Variants in TTBK2 observed in about 807,000 individuals in gnomAD.
TTBK2 encodes the protein tau tubulin kinase 2, also known as tau-tubulin kinase 2.
A neutral mutation model predicts 110.8 loss-of-function variants in TTBK2; 28 were observed. That is an observed-to-expected ratio of 0.25 (90% CI 0.19 to 0.35). The LOEUF (loss-of-function observed/expected upper bound fraction) is 0.35, where lower values mean the gene tolerates loss of function less well. Ranked by LOEUF, TTBK2 falls within the 10% of genes least tolerant of loss-of-function variation. The pLI is 1.00. For missense variants in TTBK2, 1,369 were observed against 1,500.3 expected (o/e 0.91, Z 1.45); for synonymous variants, 532 against 527.3 (o/e 1.01, Z -0.12).
chr15:42,899,261 G>A (rs1895787538), intron 1 of TTBK2, among the ~76,000 whole-genome samples: 2 of 151,916 alleles, frequency 1.3e-5, no homozygotes, highest in African/African-American at 4.8e-5. Context: ...GACTCCCAAA[G>A]TGCTGGGATT....
At chr15:42,756,446 G>C (rs2061948428) in intron 13 of TTBK2, among the ~76,000 whole-genome samples, 1 of 151,656 alleles carries the variant, frequency 6.6e-6, no homozygotes, top group Non-Finnish European at 1.5e-5. Flanking sequence ...ATTAGCTGGG[G>C]GTGATGGCGG....
intron 3 of TTBK2, among the ~76,000 whole-genome samples, chr15:42,853,361 A>G (rs1893797499): frequency 6.6e-6 from 1 of 152,262 alleles, no homozygotes; most frequent in Non-Finnish European, 1.5e-5. Context: ...AGGCAAGACA[A>G]ATTAATTCCC....
At chr15:42,845,524 C>T (rs985532886) in intron 3 of TTBK2, among the ~76,000 whole-genome samples, 2 of 150,344 alleles carry the variant, frequency 1.3e-5, no homozygotes, top group African/African-American at 4.9e-5. Flanking sequence ...ATCCCAGCTA[C>T]TCAGGAGGCT....
intron 7 of TTBK2, among the ~76,000 whole-genome samples, chr15:42,814,009 C>G (rs556517023): frequency 2.6e-4 from 39 of 152,070 alleles, no homozygotes; most frequent in African/African-American, 9.2e-4. Context: ...TGACAGAGTT[C>G]AAGTGTTTTT....
chr15:42,837,670 A>AG (rs1284870960), intron 4 of TTBK2, among the ~76,000 whole-genome samples: 1 of 151,284 alleles, frequency 6.6e-6, no homozygotes, highest in African/African-American at 2.4e-5. Context: ...AAAAAAAAAA[A>AG]AAAAAAAAAA....
chr15:42,892,704 CAAAAAAAAA>C (rs35331798), intron 1 of TTBK2, among the ~76,000 whole-genome samples: 1 of 37,910 alleles, frequency 2.6e-5, no homozygotes, highest in Admixed American at 3.5e-4. Context: ...GACCCTGTCT[CAAAAAAAAA>C]AAAAAAAAAA....
intron 10 of TTBK2, among the ~76,000 whole-genome samples, chr15:42,789,059 A>G (rs1422321717): frequency 6.6e-6 from 1 of 152,222 alleles, no homozygotes; most frequent in Non-Finnish European, 1.5e-5. Context: ...AAAAATCTCT[A>G]ATACAATTTT....
Position 42,872,529 on chromosome 15 carries a change from A to G in TTBK2, c.217+82T>C, listed in dbSNP as rs900977851. ...AGTACATTCAATTAGTACTTAAAGAATGTAATTAAGGTTCAGGAAGATACA... is the reference window on the plus strand; with the variant it reads ...AGTACATTCAATTAGTACTTAAAGAGTGTAATTAAGGTTCAGGAAGATACA... On this transcript the variant is annotated intron_variant, in intron 3 of 14. Coordinates refer to ENST00000267890, the MANE Select transcript of TTBK2 (RefSeq NM_173500.4). The G allele has an allele frequency of 2.6e-6, 4 of 1,510,588 alleles. No individual in the cohort carries two copies. The African/African-American group carries it at 5.6e-5, about 21-fold the overall frequency. 93.6% of individuals were successfully genotyped at this position (1,510,588 alleles called of 1,614,324 possible). A position where few individuals can be genotyped will look rare whatever the true frequency, so the allele number is the denominator to read the frequency against.
At chr15:42,870,227 A>C (rs1015370962) in intron 3 of TTBK2, among the ~76,000 whole-genome samples, 1 of 152,164 alleles carries the variant, frequency 6.6e-6, no homozygotes, top group Non-Finnish European at 1.5e-5. Context: ...GATTCATTAG[A>C]GAATTGCAGG....
intron 1 of TTBK2, among the ~76,000 whole-genome samples, chr15:42,883,614 T>A (rs1183561800): frequency 6.6e-6 from 1 of 150,430 alleles, no homozygotes. Context: ...GCAAAAAAAA[T>A]AAAAATAAAG....
rs1183840154 is a variant in TTBK2 at position 42,739,850 on chromosome 15, A to C, written c.*5945T>G. Reference sequence around the variant, plus strand: ...TGAAGAATGCCCACACAGAGTTCAGATGTGGTGAAATGCTGGGCATTGATT... The same window carrying C: ...TGAAGAATGCCCACACAGAGTTCAGCTGTGGTGAAATGCTGGGCATTGATT... On this transcript the variant is annotated 3_prime_UTR_variant, in exon 15 of 15. Transcript: ENST00000267890. 1 of 152,176 alleles carries C rather than the reference A, an allele frequency of 6.6e-6. No individual in the cohort carries two copies. The highest frequency in any genetic ancestry group is 1.5e-5 in the Non-Finnish European group (1 of 68,040). 9.4% of individuals were successfully genotyped at this position (152,176 alleles called of 1,614,324 possible). A position where few individuals can be genotyped will look rare whatever the true frequency, so the allele number is the denominator to read the frequency against.
intron 9 of TTBK2, among the ~76,000 whole-genome samples, chr15:42,808,445 T>G (rs1031012801): frequency 1.3e-5 from 2 of 152,238 alleles, no homozygotes; most frequent in Non-Finnish European, 2.9e-5. Flanking sequence ...TGACCTTTGA[T>G]GTAGCTAGGG....
chr15:42,852,043 A>G (rs1055042272), intron 3 of TTBK2, among the ~76,000 whole-genome samples: 1 of 152,028 alleles, frequency 6.6e-6, no homozygotes, highest in Admixed American at 6.6e-5. Context: ...CAAGTAGTAT[A>G]GATGTCCCGA....
chr15:42,877,291 CATTT>C (rs1894853727), intron 2 of TTBK2, among the ~76,000 whole-genome samples: 1 of 151,992 alleles, frequency 6.6e-6, no homozygotes, highest in East Asian at 1.9e-4. Flanking sequence ...CTCACAATAA[CATTT>C]ATGAAAAAAA....
chr15:42,752,140 C>G lies in TTBK2; in HGVS notation c.3106G>C (p.Ala1036Pro). The G allele has an allele frequency of 8.7e-6, 14 of 1,614,236 alleles. No individual in the cohort carries two copies. Among genetic ancestry groups the G allele is most frequent in the Non-Finnish European group, 1.2e-5 (14 of 1,180,050 alleles). ...LTVDSHLSRSAEDSFLSPIIS... is the reference protein window; with the variant it reads ...LTVDSHLSRSPEDSFLSPIIS... ...ATGGGTGACAGAAAGCTATCTTCAG[C>G]TGACCTACTCAGGTGAGAATCTACT... The change falls in exon 14 of 15, where the codon GCT becomes CCT. Residue 1036 changes from alanine (A) to proline (P), a missense_variant. Physicochemically the swap from Ala to Pro is conservative, Grantham distance 27. This residue lies in a region of TTBK2 where 1,097 missense variants were observed against 1,114.7 expected (regional missense o/e 0.98). Transcript: ENST00000267890.
In TTBK2 at chr15:42,845,475, G is replaced by T. The variant is rs149803562; in HGVS notation, c.218-5042C>A. ...GAGGTCAGGAGTTCAAGACCAGCCT[G>T]GCCAACCTGGTGAAACCCCATCGCA... is the stretch of plus-strand genomic sequence containing the variant. On this transcript the variant is annotated intron_variant, in intron 3 of 14. Coordinates refer to ENST00000267890, the MANE Select transcript of TTBK2 (RefSeq NM_173500.4). Among the ~76,000 whole-genome samples, 18 of 151,608 alleles carry T rather than the reference G, an allele frequency of 1.2e-4. 1 individual carries two copies. The East Asian group carries it at 3.1e-3, about 26-fold the overall frequency.
At chr15:42,843,660 G>T (rs930307787) in intron 3 of TTBK2, among the ~76,000 whole-genome samples, 1 of 150,476 alleles carries the variant, frequency 6.6e-6, no homozygotes, top group Non-Finnish European at 1.5e-5. Context: ...TCAAGAGGCC[G>T]AGGCAGAAGA....
At chr15:42,783,681 T>C (rs1469360217) in intron 10 of TTBK2, 46 bp from the exon 11 acceptor site, 4 of 1,343,236 alleles carry the variant, frequency 3.0e-6, no homozygotes, top group South Asian at 1.2e-5. Context: ...AAAATTACTA[T>C]GAGACTATCT....
At position 42,815,958 on chromosome 15, in the gene TTBK2, A is replaced by AATATATATAT. The variant is rs1555427628; in HGVS notation, c.603+1064_603+1073dup. Among the ~76,000 whole-genome samples, 108 of 91,680 alleles carry AATATATATAT rather than the reference A, an allele frequency of 1.2e-3. 3 individuals carry two copies. Among genetic ancestry groups the AATATATATAT allele is most frequent in the African/African-American group, 5.4e-3 (87 of 16,130 alleles). The allele number at this position is 91,680 out of a possible 152,430, so 60.1% of individuals were successfully genotyped here. A position where few individuals can be genotyped will look rare whatever the true frequency, so the allele number is the denominator to read the frequency against. On this transcript the variant is annotated intron_variant, in intron 7 of 14. Coordinates refer to ENST00000267890, the MANE Select transcript of TTBK2 (RefSeq NM_173500.4). ...TATATATATATATATTTAAAAAAAA[A>AATATATATAT]ATATATATATATATATATATTTGAG... is the stretch of plus-strand genomic sequence containing the variant.
Sources: gnomAD v4.1 joint callset for allele counts (sites outside exome capture counted in the v4.1 genomes callset) on GRCh38, gnomAD v4.1.1 for gene constraint, gnomAD v4.1.1 regional missense constraint, MANE v1.5 for transcripts, NCBI Gene and HGNC (gene_info 2026-07-23, HGNC 2026-07-21) for gene names.